SCN8A: variants seen among roughly 807,000 people sequenced by gnomAD.
The protein encoded by SCN8A is sodium voltage-gated channel alpha subunit 8.
In SCN8A, 30 loss-of-function variants were observed where a neutral mutation model predicts 184.1. The ratio of observed to expected loss-of-function variants is 0.16; its 90% CI spans 0.12 to 0.22. The LOEUF is 0.22. Among genes scored for constraint, SCN8A ranks in the 10% least tolerant of loss-of-function variants. The pLI is 1.00. For missense variants in SCN8A, 1,057 were observed against 2,498.9 expected (o/e 0.42, Z 12.30); for synonymous variants, 852 against 907.0 (o/e 0.94, Z 1.09).
chr12:51,665,601 A>T lies in SCN8A; in HGVS notation c.276+2508A>T, dbSNP rs572232331. Among the ~76,000 whole-genome samples, 26 of 152,350 alleles carry T rather than the reference A, an allele frequency of 1.7e-4. No individual in the cohort carries two copies. In the East Asian group the frequency reaches 1.9e-3, roughly 11 times the overall value. ...TAAAAATAATATTCTTGCTCAAGTT[A>T]ACTTGCAAATCTTTACCAGCAGTGC... On this transcript the variant is annotated intron_variant, in intron 2 of 26. Transcript: ENST00000627620.
At position 51,774,183 on chromosome 12, in the gene SCN8A, T is replaced by A; in HGVS notation, c.3646-6T>A. ...CTGTCATAGGCAGCTGCTGCCTCTCTTTTAGGCCTTCGAGGACATCTACAT... is the reference window on the plus strand; with the variant it reads ...CTGTCATAGGCAGCTGCTGCCTCTCATTTAGGCCTTCGAGGACATCTACAT... On this transcript the variant is annotated splice_region_variant and splice_polypyrimidine_tract_variant and intron_variant, in intron 19 of 26. Coordinates refer to ENST00000627620, the MANE Select transcript of SCN8A (RefSeq NM_001330260.2). 1 of 1,612,916 alleles carries A rather than the reference T, an allele frequency of 6.2e-7. No homozygotes were observed. Among genetic ancestry groups the A allele is most frequent in the East Asian group, 2.2e-5 (1 of 44,842 alleles).
At chr12:51,799,440 A>G (rs1238887771) in intron 26 of SCN8A, among the ~76,000 whole-genome samples, 1 of 152,202 alleles carries the variant, frequency 6.6e-6, no homozygotes, top group Non-Finnish European at 1.5e-5. Flanking sequence ...TAACAGGCCA[A>G]GAGCCGTCCC....
At chr12:51,791,355 G>A (rs1938246917) in intron 25 of SCN8A, among the ~76,000 whole-genome samples, 2 of 152,144 alleles carry the variant, frequency 1.3e-5, no homozygotes, top group Non-Finnish European at 2.9e-5. Context: ...CGCCGCACGT[G>A]GTACATCTAC....
chr12:51,622,713 A>G (rs564970942), intron 1 of SCN8A, among the ~76,000 whole-genome samples: 1 of 151,872 alleles, frequency 6.6e-6, no homozygotes, highest in South Asian at 2.1e-4. Flanking sequence ...TAAAGTTACT[A>G]TTTTTTTTCT....
chr12:51,739,116 A>G (rs1317887923), intron 12 of SCN8A, among the ~76,000 whole-genome samples: 2 of 152,074 alleles, frequency 1.3e-5, no homozygotes, highest in East Asian at 1.9e-4. Context: ...TTTTTCCTCT[A>G]TCTGGCGGCC....
chr12:51,721,042 G>A lies in SCN8A; in HGVS notation c.1636-504G>A, dbSNP rs886848153. 2.1e-5 allele frequency among the ~76,000 whole-genome samples: 3 copies of A among 140,086 alleles called. No homozygotes were observed. In the South Asian group the frequency reaches 6.6e-4, roughly 31 times the overall value. The allele number at this position is 140,086 out of a possible 152,430, so 91.9% of individuals were successfully genotyped here. A position where few individuals can be genotyped will look rare whatever the true frequency, so the allele number is the denominator to read the frequency against. On this transcript the variant is annotated intron_variant, in intron 11 of 26. Transcript: ENST00000627620. ...AGATAGCGCCACCACACTCCAGCCT[G>A]GGCCACAAGAGCGAAACTCCATCTC...
chr12:51,681,023 A>ATAG (rs1941322810), intron 2 of SCN8A, among the ~76,000 whole-genome samples: 1 of 152,110 alleles, frequency 6.6e-6, no homozygotes, highest in South Asian at 2.1e-4. Flanking sequence ...AATAATAATA[A>ATAG]TAAATAAAAA....
rs555287873 is a variant in SCN8A at position 51,785,279 on chromosome 12, T to C, written c.3943-1263T>C. 2.0e-5 allele frequency among the ~76,000 whole-genome samples: 3 copies of C among 152,330 alleles called. No individual in the cohort carries two copies. The South Asian group carries it at 6.2e-4, about 32-fold the overall frequency. On this transcript the variant is annotated intron_variant, in intron 21 of 26. Coordinates refer to ENST00000627620, the MANE Select transcript of SCN8A (RefSeq NM_001330260.2). ...TTTCAGATATCCTGGCTTTCCTTGCTCAACTTAATAAACAAAGTAATAAAC... is the reference window on the plus strand; with the variant it reads ...TTTCAGATATCCTGGCTTTCCTTGCCCAACTTAATAAACAAAGTAATAAAC...
intron 1 of SCN8A, among the ~76,000 whole-genome samples, chr12:51,632,646 T>C (rs1413764615): frequency 6.6e-6 from 1 of 152,164 alleles, no homozygotes; most frequent in African/African-American, 2.4e-5. Context: ...AATTTGCTCA[T>C]AGAATTTATT....
At chr12:51,689,117 G>A (rs754465345) in intron 6 of SCN8A, 21 bp downstream of exon 6, 3 of 1,554,016 alleles carry the variant, frequency 1.9e-6, no homozygotes, top group Non-Finnish European at 1.8e-6. Flanking sequence ...TTGTACATAA[G>A]ACTGACTTTG....
intron 1 of SCN8A, among the ~76,000 whole-genome samples, chr12:51,640,840 GT>G (rs1177155836): frequency 6.6e-6 from 1 of 152,200 alleles, no homozygotes; most frequent in East Asian, 1.9e-4. Context: ...GAAATCATTT[GT>G]TATTAATGAA....
At position 51,765,654 on chromosome 12, in the gene SCN8A, G is replaced by GTTTTTTTTTTT. The variant is rs56879517; in HGVS notation, c.2545-7_2545-6insTTTTTTTTTTT. The GTTTTTTTTTTT allele has an allele frequency of 8.5e-7, 1 of 1,172,602 alleles. No homozygotes were observed. The highest frequency in any genetic ancestry group is 2.8e-5 in the East Asian group (1 of 36,232). 72.6% of individuals were successfully genotyped at this position (1,172,602 alleles called of 1,614,324 possible). On this transcript the variant is annotated splice_polypyrimidine_tract_variant and intron_variant, in intron 15 of 26. Transcript: ENST00000627620. ...GAGTATCATTTATTTTTTTGTTTGG[G>GTTTTTTTTTTT]TTTTTTTTTTCCTTAGCTCCGAGTC... is the stretch of plus-strand genomic sequence containing the variant.
intron 12 of SCN8A, 113 bp downstream of exon 12, chr12:51,722,021 C>T: frequency 6.4e-7 from 1 of 1,568,118 alleles, no homozygotes; most frequent in East Asian, 2.2e-5. Context: ...CTGCTCTGCC[C>T]ATCCCACTTG....
intron 5 of SCN8A, among the ~76,000 whole-genome samples, chr12:51,688,335 C>T (rs1941453114): frequency 6.6e-6 from 1 of 152,168 alleles, no homozygotes; most frequent in Non-Finnish European, 1.5e-5. Context: ...TCAATTTTGC[C>T]ATTGTCAACT....
rs182337716 is a variant in SCN8A at position 51,757,825 on chromosome 12, T to C, written c.2371-4678T>C. Among the ~76,000 whole-genome samples, 33 of 152,236 alleles carry C rather than the reference T, an allele frequency of 2.2e-4. 1 individual carries two copies. The highest frequency in any genetic ancestry group is 7.9e-4 in the African/African-American group (33 of 41,558). On this transcript the variant is annotated intron_variant, in intron 14 of 26. Coordinates refer to ENST00000627620, the MANE Select transcript of SCN8A (RefSeq NM_001330260.2). ...CAACAAAACCCAAACTAGAAAGATA[T>C]GATGACTGTGAATTCAGAGTATTTT...
intron 6 of SCN8A, among the ~76,000 whole-genome samples, chr12:51,693,463 A>G (rs543027750): frequency 2.0e-4 from 31 of 152,160 alleles, no homozygotes; most frequent in Non-Finnish European, 2.9e-5. Flanking sequence ...CTGTTGCTCT[A>G]AAGAATCTTC....
intron 7 of SCN8A, 82 bp from the exon 8 acceptor site, chr12:51,701,062 G>T: frequency 1.1e-6 from 1 of 876,824 alleles, no homozygotes. Context: ...TTTCTGCTGG[G>T]GCTAGTTAGG....
intron 1 of SCN8A, among the ~76,000 whole-genome samples, chr12:51,601,461 C>T (rs955580252): frequency 7.4e-5 from 11 of 148,258 alleles, no homozygotes; most frequent in Admixed American, 6.7e-4. Context: ...TTTTTCCTGA[C>T]TCATGCAGGA....
intron 7 of SCN8A, 41 bp downstream of exon 7, chr12:51,699,832 A>G (rs1941654927): frequency 1.3e-6 from 2 of 1,532,574 alleles, no homozygotes; most frequent in Non-Finnish European, 1.8e-6. Context: ...GGAAAAGTCT[A>G]TTCCTAGTTC....
Sources: gnomAD v4.1 joint callset for allele counts (sites outside exome capture counted in the v4.1 genomes callset) on GRCh38, gnomAD v4.1.1 for gene constraint, MANE v1.5 for transcripts, NCBI Gene and HGNC (gene_info 2026-07-23, HGNC 2026-07-21) for gene names.